The following FBXO25 variants were observed in gnomAD, a reference collection of about 807,000 sequenced individuals.
FBXO25 encodes the protein F-box only protein 25.
In FBXO25, 45 loss-of-function variants were observed where a neutral mutation model predicts 51.9. The ratio of observed to expected loss-of-function variants is 0.87; its 90% CI spans 0.68 to 1.11. The LOEUF is 1.11. Ranked by LOEUF, FBXO25 falls within the 50% of genes most tolerant of loss-of-function variation. The probability of loss-of-function intolerance (pLI) is 0.00; values close to 1 mark genes in which losing one functional copy is unlikely to be tolerated. For missense variants in FBXO25, 507 were observed against 428.5 expected (o/e 1.18, Z -1.62); for synonymous variants, 199 against 151.0 (o/e 1.32, Z -2.33).
intron 3 of FBXO25, among the ~76,000 whole-genome samples, chr8:432,246 T>G (rs1475760387): frequency 6.6e-6 from 1 of 152,146 alleles, no homozygotes; most frequent in Admixed American, 6.5e-5. Flanking sequence ...AGTGTAGGAC[T>G]CGCTTGACAA....
At chr8:413,612 G>T (rs1362287712) in intron 2 of FBXO25, among the ~76,000 whole-genome samples, 1 of 152,242 alleles carries the variant, frequency 6.6e-6, no homozygotes, top group Admixed American at 6.5e-5. Context: ...GACTTTGCTC[G>T]TAACATTGTC....
intron 2 of FBXO25, chr8:420,549 G>C (rs1797085007): frequency 6.6e-6 from 1 of 152,196 alleles, no homozygotes; most frequent in African/African-American, 2.4e-5. Context: ...TTCAACTGGT[G>C]AATGAATAAA....
chr8:462,934 A>C, intron 8 of FBXO25, 73 bp from the exon 9 acceptor site: 2 of 1,511,866 alleles, frequency 1.3e-6, no homozygotes, highest in Non-Finnish European at 1.8e-6. Context: ...AATAAAATGA[A>C]AAAGTTTTAC....
intron 5 of FBXO25, among the ~76,000 whole-genome samples, chr8:439,115 C>G (rs911726663): frequency 6.6e-6 from 1 of 152,228 alleles, no homozygotes. Context: ...TACCCAAAAG[C>G]TGTCTGGAGG....
chr8:450,589 G>A (rs1361493548), intron 6 of FBXO25: 1 of 152,244 alleles, frequency 6.6e-6, no homozygotes, highest in Non-Finnish European at 1.5e-5. Context: ...TTTATGATAA[G>A]TACAAAAGAA....
At chr8:421,038 A>G (rs1234496168) in intron 2 of FBXO25, among the ~76,000 whole-genome samples, 1 of 152,252 alleles carries the variant, frequency 6.6e-6, no homozygotes, top group African/African-American at 2.4e-5. Flanking sequence ...GATCGGTACC[A>G]GTCCGTAGCC....
At chr8:432,754 C>A (rs568042184) in intron 3 of FBXO25, 132 bp from the exon 4 acceptor site, 4 of 1,172,028 alleles carry the variant, frequency 3.4e-6, no homozygotes, top group East Asian at 3.0e-5. Context: ...CATTCACCCA[C>A]GTAAAAGCAT....
Position 475,763 on chromosome 8 carries a change from G to A in FBXO25, c.*6959G>A, listed in dbSNP as rs1463608528. 6.6e-6 allele frequency: 1 copy of A among 152,152 alleles called. No individual in the cohort carries two copies. Among genetic ancestry groups the A allele is most frequent in the Non-Finnish European group, 1.5e-5 (1 of 68,008 alleles). The allele number at this position is 152,152 out of a possible 1,614,324, so 9.4% of individuals were successfully genotyped here. A position where few individuals can be genotyped will look rare whatever the true frequency, so the allele number is the denominator to read the frequency against. On this transcript the variant is annotated 3_prime_UTR_variant, in exon 10 of 10. Coordinates refer to ENST00000350302, the MANE Select transcript of FBXO25 (RefSeq NM_183420.2). ...ATTTGTTGTGTTGATTTTGTAAACTGCAGTGTTACTGAAATTTTTTTTTGT... is the reference window on the plus strand; with the variant it reads ...ATTTGTTGTGTTGATTTTGTAAACTACAGTGTTACTGAAATTTTTTTTTGT...
chr8:419,791 G>GA (rs149435364), intron 2 of FBXO25, among the ~76,000 whole-genome samples: 5 of 151,584 alleles, frequency 3.3e-5, no homozygotes, highest in African/African-American at 9.7e-5. Flanking sequence ...TTCCATAAAA[G>GA]AAAAAAAATC....
chr8:467,837 G>A, intron 9 of FBXO25: 1 of 1,598,884 alleles, frequency 6.3e-7, no homozygotes, highest in Non-Finnish European at 8.6e-7. Context: ...CCACTGCCCG[G>A]CTCGATTCCA....
intron 2 of FBXO25, among the ~76,000 whole-genome samples, chr8:425,851 T>C (rs1797440582): frequency 6.6e-6 from 1 of 152,100 alleles, no homozygotes; most frequent in Admixed American, 6.5e-5. Flanking sequence ...TCTATTTTAT[T>C]TGCTTTTATC....
intron 8 of FBXO25, among the ~76,000 whole-genome samples, chr8:459,571 G>C (rs991840275): frequency 6.6e-6 from 1 of 152,220 alleles, no homozygotes; most frequent in Admixed American, 6.5e-5. Context: ...TGAGGATCCT[G>C]CCTCAGGAAA....
chr8:439,727 T>A (rs985653829), intron 5 of FBXO25, among the ~76,000 whole-genome samples: 16 of 152,178 alleles, frequency 1.1e-4, no homozygotes, highest in Non-Finnish European at 1.8e-4. Flanking sequence ...CTGCTCCTCA[T>A]GTCTGGAGAT....
intron 2 of FBXO25, among the ~76,000 whole-genome samples, chr8:420,907 C>T (rs1256919664): frequency 6.6e-6 from 1 of 152,220 alleles, no homozygotes; most frequent in Non-Finnish European, 1.5e-5. Flanking sequence ...CTAAAATCAA[C>T]ATAGATGTTT....
chr8:450,257 C>A (rs1433807158), intron 6 of FBXO25, among the ~76,000 whole-genome samples, 174 bp downstream of exon 6: 1 of 152,180 alleles, frequency 6.6e-6, no homozygotes, highest in African/African-American at 2.4e-5. Context: ...TGTTCTGTTA[C>A]TGCCGTTTAC....
At chr8:452,564 G>T (rs1799164154) in intron 7 of FBXO25, among the ~76,000 whole-genome samples, 1 of 152,240 alleles carries the variant, frequency 6.6e-6, no homozygotes, top group African/African-American at 2.4e-5. Flanking sequence ...TGGTAGTGAT[G>T]TTCAGCAGGT....
intron 2 of FBXO25, among the ~76,000 whole-genome samples, chr8:427,395 T>TA (rs1312592106): frequency 6.6e-6 from 1 of 150,886 alleles, no homozygotes; most frequent in Non-Finnish European, 1.5e-5. Context: ...CCTTGGCACT[T>TA]AGAGTCATGG....
chr8:433,739 G>A (rs1797950729), intron 4 of FBXO25, among the ~76,000 whole-genome samples: 1 of 152,170 alleles, frequency 6.6e-6, no homozygotes, highest in African/African-American at 2.4e-5. Context: ...TCTATCGTAT[G>A]TTATTTCAGG....
chr8:427,179 T>C (rs536072763), intron 2 of FBXO25, among the ~76,000 whole-genome samples: 149 of 152,114 alleles, frequency 9.8e-4, no homozygotes, highest in Non-Finnish European at 2.0e-3. Flanking sequence ...AACTGGGGAT[T>C]GTTAGAGCAG....
Sources: allele counts gnomAD v4.1 joint callset (sites outside exome capture counted in the v4.1 genomes callset), GRCh38; gene constraint gnomAD v4.1.1; transcripts MANE v1.5; gene names NCBI Gene and HGNC (gene_info 2026-07-23, HGNC 2026-07-21).